Variants in EYA4 observed in about 807,000 individuals in gnomAD.
EYA4 encodes the protein EYA transcriptional coactivator and phosphatase 4.
In EYA4, 31 loss-of-function variants were observed where a neutral mutation model predicts 87.9. That is an observed-to-expected ratio of 0.35 (90% CI 0.27 to 0.48). EYA4 has a LOEUF of 0.48. Among genes scored for constraint, EYA4 ranks in the 20% least tolerant of loss-of-function variants. EYA4 has a pLI of 0.99. For synonymous variants in EYA4, 263 were observed against 270.6 expected (o/e 0.97, Z 0.28); for missense variants, 678 against 761.4 (o/e 0.89, Z 1.29).
At chr6:133,276,995 G>A (rs1777232366) in intron 2 of EYA4, among the ~76,000 whole-genome samples, 1 of 151,620 alleles carries the variant, frequency 6.6e-6, no homozygotes, top group African/African-American at 2.4e-5. Context: ...TCTAAATTTT[G>A]TGGAGTATAT....
At chr6:133,352,459 A>G (rs1444864809) in intron 2 of EYA4, among the ~76,000 whole-genome samples, 1 of 152,192 alleles carries the variant, frequency 6.6e-6, no homozygotes, top group Non-Finnish European at 1.5e-5. Context: ...AAGAAACTAC[A>G]CAACACTTTC....
At chr6:133,515,169 G>C (rs370032001) in intron 16 of EYA4, 152 bp from the exon 17 acceptor site, 25 of 677,414 alleles carry the variant, frequency 3.7e-5, no homozygotes, top group East Asian at 1.1e-4. Context: ...ATTCAGAAAC[G>C]AAGGATCAAT....
intron 1 of EYA4, among the ~76,000 whole-genome samples, chr6:133,257,744 C>G (rs748397347): frequency 1.3e-5 from 2 of 152,184 alleles, no homozygotes; most frequent in Non-Finnish European, 2.9e-5. Flanking sequence ...ACATAGAAAT[C>G]TACAATTCTG....
chr6:133,529,941 C>T lies in EYA4; in HGVS notation c.*1136C>T. The T allele has an allele frequency of 2.0e-6, 2 of 985,340 alleles. No individual in the cohort carries two copies. Among genetic ancestry groups the T allele is most frequent in the Non-Finnish European group, 2.4e-6 (2 of 829,888 alleles). 61.0% of individuals were successfully genotyped at this position (985,340 alleles called of 1,614,324 possible). A position where few individuals can be genotyped will look rare whatever the true frequency, so the allele number is the denominator to read the frequency against. ...AAATCATGAGCAATTATCACATAAA[C>T]TTTTTTAGAATGTGCCATGAACATG... On this transcript the variant is annotated 3_prime_UTR_variant, in exon 20 of 20. Coordinates refer to ENST00000355286, the MANE Select transcript of EYA4 (RefSeq NM_004100.5).
intron 1 of EYA4, among the ~76,000 whole-genome samples, chr6:133,267,395 T>A (rs890768216): frequency 6.6e-6 from 1 of 152,064 alleles, no homozygotes; most frequent in Non-Finnish European, 1.5e-5. Flanking sequence ...CACTTTTTTT[T>A]TTTGAGACAG....
chr6:133,510,445 T>C (rs572761906), intron 14 of EYA4: 6 of 352,956 alleles, frequency 1.7e-5, no homozygotes, highest in Admixed American at 1.2e-4. Context: ...TCTCATCATT[T>C]AGAACTACTT....
intron 1 of EYA4, among the ~76,000 whole-genome samples, chr6:133,269,455 T>A (rs1776505491): frequency 6.6e-6 from 1 of 152,206 alleles, no homozygotes; most frequent in Non-Finnish European, 1.5e-5. Context: ...ATTATATACA[T>A]GTGTTATTAT....
chr6:133,468,410 G>C (rs1795031688), intron 10 of EYA4, among the ~76,000 whole-genome samples, 156 bp from the exon 11 acceptor site: 1 of 152,032 alleles, frequency 6.6e-6, no homozygotes, highest in South Asian at 2.1e-4. Flanking sequence ...TGCCCACAAA[G>C]TAGTCTCTGC....
intron 8 of EYA4, 53 bp downstream of exon 8, chr6:133,462,530 G>T (rs965157027): frequency 4.0e-5 from 64 of 1,612,554 alleles, no homozygotes; most frequent in African/African-American, 2.0e-4. Context: ...AATCCTGCTG[G>T]CTGGTAGCTT....
intron 11 of EYA4, 146 bp downstream of exon 11, chr6:133,468,877 G>A (rs1009893613): frequency 6.1e-6 from 5 of 819,730 alleles, no homozygotes; most frequent in Middle Eastern, 2.8e-4. Context: ...TGTGTAAGAC[G>A]AGGCTCTTCT....
At chr6:133,405,904 G>A (rs770216649) in intron 3 of EYA4, among the ~76,000 whole-genome samples, 34 of 152,044 alleles carry the variant, frequency 2.2e-4, no homozygotes, top group Non-Finnish European at 4.6e-4. Flanking sequence ...AAGAGTCCCA[G>A]GAAGAGAGAA....
chr6:133,430,027 C>T (rs1456968716), intron 3 of EYA4, among the ~76,000 whole-genome samples: 1 of 152,152 alleles, frequency 6.6e-6, no homozygotes, highest in Non-Finnish European at 1.5e-5. Context: ...CCCTCCTTCC[C>T]ACCTCGATTA....
rs146977269 is a variant in EYA4, at chr6:133,512,955, G to T, written c.1418G>T (p.Gly473Val). ...ANLCLPTGVR[G>V]GVDWMRKLAF... ...CTTTGTTTGCCAACAGGTGTAAGAG[G>T]AGGGGTTGACTGGATGAGGAAGTTG... is the stretch of plus-strand genomic sequence containing the variant. The change falls in exon 16 of 20, where the codon GGA becomes GTA. Residue 473 changes from glycine (G) to valine (V), a missense_variant. By Grantham distance (109) the Gly-to-Val change is moderately radical. Transcript: ENST00000355286. 182 of 1,614,004 alleles carry T rather than the reference G, an allele frequency of 1.1e-4. 1 individual carries two copies. The highest frequency in any genetic ancestry group is 1.9e-5 in the Non-Finnish European group (22 of 1,180,000).
At chr6:133,512,438 T>A (rs1381866756) in intron 14 of EYA4, among the ~76,000 whole-genome samples, 1 of 152,254 alleles carries the variant, frequency 6.6e-6, no homozygotes, top group East Asian at 1.9e-4. Context: ...GAATTTCTTA[T>A]CAATAATTTT....
In EYA4 at chr6:133,530,110, A is replaced by C. The variant is rs1005604379; in HGVS notation, c.*1305A>C. ...CTAATGAAAGCAATGAGTCTATGAA[A>C]ATTTTACCTAGAATATCATCATAAA... On this transcript the variant is annotated 3_prime_UTR_variant, in exon 20 of 20. Coordinates refer to ENST00000355286, the MANE Select transcript of EYA4 (RefSeq NM_004100.5). 5 of 985,172 alleles carry C rather than the reference A, an allele frequency of 5.1e-6. No homozygotes were observed. The highest frequency in any genetic ancestry group is 5.2e-4 in the Middle Eastern group (1 of 1,936). 61.0% of individuals were successfully genotyped at this position (985,172 alleles called of 1,614,324 possible). A position where few individuals can be genotyped will look rare whatever the true frequency, so the allele number is the denominator to read the frequency against.
At position 133,446,738 on chromosome 6, in the gene EYA4, T is replaced by C; in HGVS notation, c.192T>C (p.Thr64=). ...CTAATCTCAGCAGCACATCAGTTAC[T>C]ACAAATGGGACAGGAGGTAAGTGTA... ...EKSNLSSTSV[T]TNGTGGENMT... is the part of the protein sequence containing the mutation. The change falls in exon 4 of 20, where the codon ACT becomes ACC. Residue 64 remains threonine, a synonymous_variant. Transcript: ENST00000355286. 6.2e-7 allele frequency: 1 copy of C among 1,614,022 alleles called. No individual in the cohort carries two copies. Among genetic ancestry groups the C allele is most frequent in the Non-Finnish European group, 8.5e-7 (1 of 1,179,950 alleles).
In EYA4 at chr6:133,428,907, G is replaced by GCTT. The variant is rs1562409229; in HGVS notation, c.84-17719_84-17717dup. Among the ~76,000 whole-genome samples, 22 of 46,942 alleles carry GCTT rather than the reference G, an allele frequency of 4.7e-4. 1 individual carries two copies. Among genetic ancestry groups the GCTT allele is most frequent in the Admixed American group, 1.1e-3 (5 of 4,484 alleles). The allele number at this position is 46,942 out of a possible 152,430, so 30.8% of individuals were successfully genotyped here. A position where few individuals can be genotyped will look rare whatever the true frequency, so the allele number is the denominator to read the frequency against. ...TCTTCTGGGGCTGAGGGTAGATTTA[G>GCTT]CTTCTTTTTTTTTTTTTTTTTTTTT... On this transcript the variant is annotated intron_variant, in intron 3 of 19. Coordinates refer to ENST00000355286, the MANE Select transcript of EYA4 (RefSeq NM_004100.5).
intron 13 of EYA4, among the ~76,000 whole-genome samples, chr6:133,500,203 C>A (rs1003222202): frequency 6.6e-6 from 1 of 151,840 alleles, no homozygotes; most frequent in Non-Finnish European, 1.5e-5. Context: ...ATGACTGATG[C>A]GTGGACCCAC....
At chr6:133,341,097 T>A (rs1782745091) in intron 2 of EYA4, among the ~76,000 whole-genome samples, 1 of 152,198 alleles carries the variant, frequency 6.6e-6, no homozygotes, top group Non-Finnish European at 1.5e-5. Context: ...AACCCTGGGT[T>A]TGAAGACCCA....
Sources: gnomAD v4.1 joint callset for allele counts (sites outside exome capture counted in the v4.1 genomes callset) on GRCh38, gnomAD v4.1.1 for gene constraint, MANE v1.5 for transcripts, NCBI Gene and HGNC (gene_info 2026-07-23, HGNC 2026-07-21) for gene names.